Variants in RBFOX1 observed in about 807,000 individuals in gnomAD.
RBFOX1 encodes RNA binding fox-1 homolog 1.
RBFOX1 carries 8 observed loss-of-function variants against 57.7 expected under a neutral mutation model. The ratio of observed to expected loss-of-function variants is 0.14; its 90% CI spans 0.08 to 0.25. The LOEUF (loss-of-function observed/expected upper bound fraction) is 0.25, where lower values mean the gene tolerates loss of function less well. Among genes scored for constraint, RBFOX1 ranks in the 10% least tolerant of loss-of-function variants. The pLI is 1.00. For missense variants in RBFOX1, 611 were observed against 548.5 expected, an observed-to-expected ratio of 1.11 and a Z score of -1.14; for synonymous variants, 326 against 222.4, an observed-to-expected ratio of 1.47 and a Z score of -4.15.
intron 3 of RBFOX1, among the ~76,000 whole-genome samples, chr16:6,765,708 A>G (rs946168126): frequency 1.3e-5 from 2 of 152,170 alleles, no homozygotes; most frequent in Non-Finnish European, 2.9e-5. Flanking sequence ...AACACAATTC[A>G]CAATTGCAAA....
At chr16:6,110,487 C>T (rs2096433378) in intron 1 of RBFOX1, among the ~76,000 whole-genome samples, 1 of 152,122 alleles carries the variant, frequency 6.6e-6, no homozygotes, top group Non-Finnish European at 1.5e-5. Flanking sequence ...CATTTTTAAG[C>T]AGTCATTTGT....
intron 5 of RBFOX1, among the ~76,000 whole-genome samples, chr16:7,544,510 C>T (rs925441319): frequency 5.9e-5 from 9 of 152,036 alleles, no homozygotes; most frequent in Admixed American, 5.2e-4. Flanking sequence ...TGTCAAGACG[C>T]ACAAAGGTAA....
At position 7,529,879 on chromosome 16, in the gene RBFOX1, G is replaced by A. The variant is rs549307686; in HGVS notation, c.270+11490G>A. Among the ~76,000 whole-genome samples the A allele has an allele frequency of 1.3e-5, 2 of 151,928 alleles. 1 individual carries two copies. The highest frequency in any genetic ancestry group is 4.2e-4 in the South Asian group (2 of 4,818). On this transcript the variant is annotated intron_variant, in intron 5 of 15. Transcript: ENST00000550418. ...CAAAAATTAGCCAGGCATGGTGGCG[G>A]GCACCTGTAATCCCAGCTACTTGGG...
chr16:5,548,188 T>A (rs1368433650), intron 2 of RBFOX1, among the ~76,000 whole-genome samples: 5 of 131,440 alleles, frequency 3.8e-5, no homozygotes, highest in African/African-American at 1.4e-4. Context: ...TATATATATA[T>A]ATATATATAT....
chr16:7,393,456 A>G (rs1285566215), intron 4 of RBFOX1, among the ~76,000 whole-genome samples: 3 of 152,048 alleles, frequency 2.0e-5, no homozygotes, highest in Admixed American at 2.0e-4. Flanking sequence ...CTTTTTATAT[A>G]GTTTCTATAT....
intron 3 of RBFOX1, among the ~76,000 whole-genome samples, chr16:7,049,496 A>G (rs568797361): frequency 2.0e-5 from 3 of 152,270 alleles, no homozygotes; most frequent in African/African-American, 7.2e-5. Flanking sequence ...GATTTTCCCT[A>G]TTCTCTTAGT....
At chr16:5,367,672 C>G (rs1040613306) in intron 1 of RBFOX1, among the ~76,000 whole-genome samples, 1 of 152,170 alleles carries the variant, frequency 6.6e-6, no homozygotes, top group African/African-American at 2.4e-5. Context: ...GTGCTCAATA[C>G]TTTATATGCA....
At chr16:5,520,298 A>G (rs921659293) in intron 2 of RBFOX1, among the ~76,000 whole-genome samples, 5 of 152,208 alleles carry the variant, frequency 3.3e-5, no homozygotes, top group Non-Finnish European at 5.9e-5. Flanking sequence ...ATGTTCAGGT[A>G]GTAGGAATCT....
intron 4 of RBFOX1, among the ~76,000 whole-genome samples, chr16:7,407,868 T>C (rs186432719): frequency 9.8e-5 from 15 of 152,302 alleles, no homozygotes; most frequent in Admixed American, 9.8e-4. Context: ...GCCTGCGGAC[T>C]ATTTTCCTAG....
chr16:5,248,249 A>G lies in RBFOX1; in HGVS notation c.219+8144A>G, dbSNP rs2333760. On this transcript the variant is annotated intron_variant, in intron 1 of 2. Transcript: ENST00000585867. ...TTTCCCCCAAGTTTTATAATGTCTAAGCATGCATATTTAAGTGTTTGCCTC... is the reference window on the plus strand; with the variant it reads ...TTTCCCCCAAGTTTTATAATGTCTAGGCATGCATATTTAAGTGTTTGCCTC... 4.9e-3 allele frequency among the ~76,000 whole-genome samples: 740 copies of G among 152,368 alleles called. 7 individuals carry two copies. Among genetic ancestry groups the G allele is most frequent in the African/African-American group, 0.017 (712 of 41,584 alleles).
At chr16:7,454,210 G>A (rs909012305) in intron 4 of RBFOX1, among the ~76,000 whole-genome samples, 1 of 152,184 alleles carries the variant, frequency 6.6e-6, no homozygotes, top group Non-Finnish European at 1.5e-5. Flanking sequence ...TCCAGCCTGG[G>A]CAGGAGGGCG....
At chr16:5,983,668 C>T (rs1231849653) in intron 4 of RBFOX1, among the ~76,000 whole-genome samples, 1 of 152,122 alleles carries the variant, frequency 6.6e-6, no homozygotes, top group African/African-American at 2.4e-5. Flanking sequence ...TGTAACTCAA[C>T]CTCCATCCTG....
chr16:6,388,762 G>T (rs748343015), intron 2 of RBFOX1, among the ~76,000 whole-genome samples: 1 of 152,102 alleles, frequency 6.6e-6, no homozygotes, highest in South Asian at 2.1e-4. Flanking sequence ...AAACAAAAAG[G>T]AAATTCCATC....
chr16:7,653,768 C>A (rs754341389), intron 11 of RBFOX1, 47 bp from the exon 12 acceptor site: 5 of 1,595,590 alleles, frequency 3.1e-6, no homozygotes, highest in Non-Finnish European at 4.3e-6. Flanking sequence ...GCAGGGTGTG[C>A]ATCTGACAGC....
Position 5,836,506 on chromosome 16 carries a change from A to G in RBFOX1, c.319-30797A>G, listed in dbSNP as rs554945413. ...TGACCCACCTTCTTCTTTAGGAGCC[A>G]TCCTCCATACTTCCTTATTCTCTGC... is the stretch of plus-strand genomic sequence containing the variant. On this transcript the variant is annotated intron_variant, in intron 3 of 19. Transcript: ENST00000641259. Among the ~76,000 whole-genome samples the G allele has an allele frequency of 7.2e-5, 11 of 152,258 alleles. No individual in the cohort carries two copies. The East Asian group carries it at 2.1e-3, about 29-fold the overall frequency.
chr16:6,676,922 C>A (rs11077063), intron 3 of RBFOX1, among the ~76,000 whole-genome samples: 36,089 of 151,662 alleles, frequency 0.24, 4,587 homozygotes, highest in East Asian at 0.34. Context: ...GTGATCTGCC[C>A]ACCTCGGCCT....
chr16:6,997,977 G>T lies in RBFOX1; in HGVS notation c.-15-54080G>T, dbSNP rs908977702. Among the ~76,000 whole-genome samples, 5 of 151,226 alleles carry T rather than the reference G, an allele frequency of 3.3e-5. No homozygotes were observed. The South Asian group carries it at 1.0e-3, about 32-fold the overall frequency. On this transcript the variant is annotated intron_variant, in intron 3 of 15. Coordinates refer to ENST00000550418, the MANE Select transcript of RBFOX1 (RefSeq NM_018723.4). ...ATTTCGTAATCATTTAAACAGCTTG[G>T]CAGTCCTAGCAAAGTAAAAAAAAAC...
intron 3 of RBFOX1, among the ~76,000 whole-genome samples, chr16:6,805,878 G>A (rs564656204): frequency 6.6e-6 from 1 of 152,068 alleles, no homozygotes; most frequent in Non-Finnish European, 1.5e-5. Flanking sequence ...TTTCCAACAC[G>A]AATCACTAGC....
intron 4 of RBFOX1, among the ~76,000 whole-genome samples, chr16:7,268,995 C>G (rs907984878): frequency 1.4e-5 from 2 of 144,094 alleles, no homozygotes; most frequent in Admixed American, 1.4e-4. Flanking sequence ...CGAGATCACG[C>G]CAGTGCACTC....
Sources: gnomAD v4.1 joint callset for allele counts (sites outside exome capture counted in the v4.1 genomes callset) on GRCh38, gnomAD v4.1.1 for gene constraint, MANE v1.5 for transcripts, NCBI Gene and HGNC (gene_info 2026-07-23, HGNC 2026-07-21) for gene names.